The following CORO2A variants were observed in gnomAD, a reference collection of about 807,000 sequenced individuals.
CORO2A encodes coronin-2A.
Under a neutral mutation model 62.4 loss-of-function variants are expected in CORO2A, and 47 were observed. The ratio of observed to expected loss-of-function variants is 0.75; its 90% CI spans 0.60 to 0.96. CORO2A has a LOEUF of 0.96. Among genes scored for constraint, CORO2A ranks in the 40% least tolerant of loss-of-function variants. The probability of loss-of-function intolerance (pLI) is 0.00; values close to 1 mark genes in which losing one functional copy is unlikely to be tolerated. For missense variants in CORO2A, 610 were observed against 684.1 expected, an observed-to-expected ratio of 0.89 and a Z score of 1.21; for synonymous variants, 273 against 268.9, an observed-to-expected ratio of 1.02 and a Z score of -0.15.
rs536392463 is a variant in CORO2A at position 98,131,059 on chromosome 9, C to A, written c.766G>T (p.Asp256Tyr). The A allele has an allele frequency of 3.1e-6, 5 of 1,609,102 alleles. No individual in the cohort carries two copies. In the South Asian group the frequency reaches 5.5e-5, roughly 18 times the overall value. ...NNRQVALWDQ[D>Y]NLSVPLMEED... ...TCCATCAGAGGCACAGAGAGGTTAT[C>A]CTGCAGGGGAAGGGGAGGCAGGGAA... is the stretch of plus-strand genomic sequence containing the variant. Residue 256 changes from aspartate (D) to tyrosine (Y), a missense_variant and splice_region_variant, in exon 7 of 12, where the codon GAT becomes TAT. Transcript: ENST00000375077.
At chr9:98,126,892 A>C in intron 10 of CORO2A, 69 bp from the exon 11 acceptor site, 1 of 1,545,680 alleles carries the variant, frequency 6.5e-7, no homozygotes, top group Non-Finnish European at 8.9e-7. Context: ...GGCACCAATG[A>C]CACAGGCAGG....
At chr9:98,165,426 G>A (rs978529173) in intron 1 of CORO2A, among the ~76,000 whole-genome samples, 6 of 152,208 alleles carry the variant, frequency 3.9e-5, no homozygotes, top group Admixed American at 3.9e-4. Context: ...GAGGTGAAGA[G>A]GATTTCATTC....
intron 2 of CORO2A, among the ~76,000 whole-genome samples, chr9:98,145,999 C>G (rs955225734): frequency 6.6e-6 from 1 of 152,208 alleles, no homozygotes; most frequent in African/African-American, 2.4e-5. Context: ...GTGTGAGCCA[C>G]CATGCTGGCT....
intron 1 of CORO2A, among the ~76,000 whole-genome samples, chr9:98,186,216 G>A (rs765523235): frequency 6.6e-6 from 1 of 151,536 alleles, no homozygotes; most frequent in African/African-American, 2.4e-5. Flanking sequence ...GCTGAGCAAG[G>A]CCCCATCTCT....
chr9:98,187,863 T>C (rs1181452322), intron 1 of CORO2A, among the ~76,000 whole-genome samples: 2 of 152,216 alleles, frequency 1.3e-5, no homozygotes, highest in Admixed American at 1.3e-4. Flanking sequence ...AAGCCTTCCA[T>C]GGCTCCCCGC....
rs267602332 is a variant in CORO2A, at chr9:98,126,579, G to A, written c.1416C>T (p.Phe472=). 26 of 1,613,732 alleles carry A rather than the reference G, an allele frequency of 1.6e-5. No homozygotes were observed. Among genetic ancestry groups the A allele is most frequent in the African/African-American group, 1.1e-4 (8 of 74,848 alleles). ...TCTCTGTCTTTGGTGGGGGGCATTC[G>A]AAAACGTCAAAGCCATTTGTCAGCC... ...KTWLTNGFDV[F]ECPPPKTENE... The change falls in exon 11 of 12, where the codon TTC becomes TTT. Residue 472 remains phenylalanine (F), a synonymous_variant. Transcript: ENST00000375077.
intron 1 of CORO2A, among the ~76,000 whole-genome samples, chr9:98,182,920 A>T (rs1265630960): frequency 6.6e-6 from 1 of 152,244 alleles, no homozygotes; most frequent in Non-Finnish European, 1.5e-5. Context: ...ACATCTCACA[A>T]CAGATAAGCC....
chr9:98,153,532 G>A (rs1476140019), intron 2 of CORO2A, among the ~76,000 whole-genome samples: 2 of 151,178 alleles, frequency 1.3e-5, no homozygotes, highest in Non-Finnish European at 1.5e-5. Flanking sequence ...TCAGCCTCTC[G>A]TATAGCTGGG....
chr9:98,149,819 G>T (rs1170341332), intron 2 of CORO2A, among the ~76,000 whole-genome samples: 2 of 152,148 alleles, frequency 1.3e-5, no homozygotes, highest in African/African-American at 2.4e-5. Flanking sequence ...AGTCTGTGAT[G>T]ATAGCAATTA....
At chr9:98,149,365 C>CTAA (rs1827692410) in intron 2 of CORO2A, among the ~76,000 whole-genome samples, 1 of 152,202 alleles carries the variant, frequency 6.6e-6, no homozygotes, top group South Asian at 2.1e-4. Context: ...TGTGTTGTAA[C>CTAA]ACTAAAGTAT....
rs1346116407 is a variant in CORO2A, at chr9:98,137,576, G to C, written c.314C>G (p.Ala105Gly). The C allele has an allele frequency of 6.2e-7, 1 of 1,612,984 alleles. No homozygotes were observed. The highest frequency in any genetic ancestry group is 1.7e-5 in the Admixed American group (1 of 60,004). Residue 105 changes from alanine to glycine, a missense_variant, in exon 3 of 12, where the codon GCC (alanine) becomes GGC (glycine). Ala to Gly is a moderately conservative substitution (Grantham distance 60, BLOSUM62 0). Transcript: ENST00000375077. ...DFEIASCSED[A>G]TIKIWSIPKQ... is the part of the protein sequence containing the mutation. ...CCCTCAGGGGCTGACACTCACTGTG[G>C]CATCTTCAGAACAGGAGGCGATCTC...
intron 2 of CORO2A, among the ~76,000 whole-genome samples, chr9:98,145,871 C>G (rs141427053): frequency 0.024 from 3,629 of 152,260 alleles, 133 homozygotes; most frequent in African/African-American, 0.082. Context: ...TGCCACCACG[C>G]CCAGCTGATT....
rs1827322016 is a variant in CORO2A at position 98,126,574 on chromosome 9, C to T, written c.1421G>A (p.Cys474Tyr). Residue 474 changes from cysteine (C) to tyrosine (Y), a missense_variant, in exon 11 of 12, where the codon TGC becomes TAC. Coordinates refer to ENST00000375077, the MANE Select transcript of CORO2A (RefSeq NM_052820.4). ...CTCATTCTCTGTCTTTGGTGGGGGG[C>T]ATTCGAAAACGTCAAAGCCATTTGT... ...WLTNGFDVFE[C>Y]PPPKTENELL... The T allele has an allele frequency of 1.2e-6, 2 of 1,613,808 alleles. No homozygotes were observed. Among genetic ancestry groups the T allele is most frequent in the East Asian group, 2.2e-5 (1 of 44,884 alleles).
At chr9:98,138,397 G>A (rs574881856) in intron 2 of CORO2A, among the ~76,000 whole-genome samples, 4 of 148,356 alleles carry the variant, frequency 2.7e-5, no homozygotes, top group African/African-American at 9.9e-5. Flanking sequence ...GGTGACAAGA[G>A]TGAAACTATG....
chr9:98,144,144 G>A (rs1406390460), intron 2 of CORO2A, among the ~76,000 whole-genome samples: 2 of 151,016 alleles, frequency 1.3e-5, no homozygotes, highest in Non-Finnish European at 2.9e-5. Flanking sequence ...AGCCATGATC[G>A]TGCCACTACA....
chr9:98,167,471 T>C (rs942553242), intron 1 of CORO2A, among the ~76,000 whole-genome samples: 1 of 152,262 alleles, frequency 6.6e-6, no homozygotes, highest in Non-Finnish European at 1.5e-5. Flanking sequence ...CTATGTTATG[T>C]GTATTTTAGT....
At position 98,123,480 on chromosome 9, in the gene CORO2A, C is replaced by T. The variant is rs143257131; in HGVS notation, c.*1294G>A. 4.6e-5 allele frequency: 7 copies of T among 152,170 alleles called. No individual in the cohort carries two copies. The highest frequency in any genetic ancestry group is 1.4e-4 in the African/African-American group (6 of 41,500). The allele number at this position is 152,170 out of a possible 1,614,324, so 9.4% of individuals were successfully genotyped here. On this transcript the variant is annotated 3_prime_UTR_variant, in exon 12 of 12. Transcript: ENST00000375077. The stretch of plus-strand genomic sequence containing the variant: ...GACACAGCCTTCCTGCTTAGTCTTC[C>T]CCTATTCTCTCTCTCTTTTTTTTTT...
At position 98,131,035 on chromosome 9, in the gene CORO2A, C is replaced by A. The variant is rs1827398374; in HGVS notation, c.790G>T (p.Glu264Ter). 1.2e-6 allele frequency: 2 copies of A among 1,613,354 alleles called. No homozygotes were observed. Among genetic ancestry groups the A allele is most frequent in the Non-Finnish European group, 1.7e-6 (2 of 1,179,712 alleles). ...CCCGAGGAGCCGTCCAGGTCCTCCT[C>A]CATCAGAGGCACAGAGAGGTTATCC... ...DQDNLSVPLM[E>*]EDLDGSSGVL... The change falls in exon 7 of 12, where the codon GAG (glutamate) becomes TAG (stop). Residue 264 changes from glutamate (E) to a stop codon, truncating the protein, a stop_gained. Transcript: ENST00000375077. LOFTEE classifies it high-confidence loss of function.
At chr9:98,166,909 T>C (rs2118899816) in intron 1 of CORO2A, among the ~76,000 whole-genome samples, 1 of 151,730 alleles carries the variant, frequency 6.6e-6, no homozygotes, top group East Asian at 1.9e-4. Context: ...AAGACCAGCC[T>C]GGGTGACACA....
Sources: allele counts gnomAD v4.1 joint callset (sites outside exome capture counted in the v4.1 genomes callset), GRCh38; gene constraint gnomAD v4.1.1; transcripts MANE v1.5; gene names NCBI Gene and HGNC (gene_info 2026-07-23, HGNC 2026-07-21).